LY6K: variants seen among roughly 807,000 people sequenced by gnomAD.
LY6K encodes lymphocyte antigen 6 family member K, also known as lymphocyte antigen 6K.
In LY6K, 9 loss-of-function variants were observed where a neutral mutation model predicts 10.4. The observed-to-expected ratio is 0.87, with a 90% CI of 0.52 to 1.52. The LOEUF is 1.52. Among genes scored for constraint, LY6K ranks in the 40% most tolerant of loss-of-function variants. The pLI, the probability that LY6K is intolerant of heterozygous loss-of-function variation, is 0.00. For missense variants in LY6K, 217 were observed against 211.7 expected, an observed-to-expected ratio of 1.02 and a Z score of -0.15; for synonymous variants, 98 against 83.7, an observed-to-expected ratio of 1.17 and a Z score of -0.94.
rs1815125946 is a variant in LY6K, at chr8:142,703,457, T to A, written c.*86T>A. Reference sequence around the variant, plus strand: ...CCTGTTGCATTAAACTTGTTTTCTGTTGATTACCTCTTGGTTTGACTTCCC... The same window carrying A: ...CCTGTTGCATTAAACTTGTTTTCTGATGATTACCTCTTGGTTTGACTTCCC... On this transcript the variant is annotated 3_prime_UTR_variant, in exon 3 of 3. Transcript: ENST00000292430. The A allele has an allele frequency of 1.3e-6, 2 of 1,488,176 alleles. No individual in the cohort carries two copies. Among genetic ancestry groups the A allele is most frequent in the Non-Finnish European group, 1.8e-6 (2 of 1,117,124 alleles). The allele number at this position is 1,488,176 out of a possible 1,614,324, so 92.2% of individuals were successfully genotyped here.
rs1407551284 is a variant in LY6K at position 142,702,935 on chromosome 8, T to A, written c.218-156T>A. The A allele has an allele frequency of 8.4e-6, 13 of 1,550,572 alleles. No homozygotes were observed. The East Asian group carries it at 3.2e-4, about 38-fold the overall frequency. On this transcript the variant is annotated intron_variant, in intron 2 of 2. Transcript: ENST00000292430. ...TGAAGCAGCATTCAACACACAGGCC[T>A]GGCCCTCGTCCTCCCGACTCCCCCT...
In LY6K at chr8:142,700,453, C is replaced by A; in HGVS notation, c.-75C>A. ...CCGGCCAGACCCGGGGAGAGGCGCGCGGAGGCTGCGAAGGTTCCAGAAGGG... is the reference window on the plus strand; with the variant it reads ...CCGGCCAGACCCGGGGAGAGGCGCGAGGAGGCTGCGAAGGTTCCAGAAGGG... On this transcript the variant is annotated 5_prime_UTR_variant, in exon 1 of 3. Transcript: ENST00000292430. 3 of 1,490,132 alleles carry A rather than the reference C, an allele frequency of 2.0e-6. No homozygotes were observed. Among genetic ancestry groups the A allele is most frequent in the Non-Finnish European group, 2.7e-6 (3 of 1,121,034 alleles). 92.3% of individuals were successfully genotyped at this position (1,490,132 alleles called of 1,614,324 possible).
At chr8:142,702,545 T>A in intron 2 of LY6K, 1 of 1,535,678 alleles carries the variant, frequency 6.5e-7, no homozygotes, top group South Asian at 1.2e-5. Context: ...CAGCAGTCAC[T>A]CTCCAGCCCT....
In LY6K at chr8:142,704,208, C is replaced by T. The variant is rs1554640639; in HGVS notation, c.*837C>T. 1 of 152,234 alleles carries T rather than the reference C, an allele frequency of 6.6e-6. No homozygotes were observed. Among genetic ancestry groups the T allele is most frequent in the Non-Finnish European group, 1.5e-5 (1 of 68,040 alleles). 9.4% of individuals were successfully genotyped at this position (152,234 alleles called of 1,614,324 possible). ...ATAAAAATTAAAAAATGTTTTATTT[C>T]TCAGCATGAGCTCCATCAAGGTCGA... On this transcript the variant is annotated 3_prime_UTR_variant, in exon 3 of 3. Transcript: ENST00000292430.
In LY6K at chr8:142,700,511, G is replaced by A. The variant is rs1426367182; in HGVS notation, c.-17G>A. On this transcript the variant is annotated 5_prime_UTR_variant, in exon 1 of 3. It introduces an in-frame stop codon into an upstream open reading frame of the 5' UTR. Transcript: ENST00000292430. ...GGGGCGCCGCGCGCTGACCCTCCCT[G>A]GGCACCGCTGGGGACGATGGCGCTG... is the stretch of plus-strand genomic sequence containing the variant. The A allele has an allele frequency of 1.3e-6, 2 of 1,566,544 alleles. No homozygotes were observed. The highest frequency in any genetic ancestry group is 1.7e-6 in the Non-Finnish European group (2 of 1,159,090).
In LY6K at chr8:142,703,173, G is replaced by A; in HGVS notation, c.300G>A (p.Lys100=). The change falls in exon 3 of 3, where the codon AAG becomes AAA. Residue 100 remains lysine (K), a synonymous_variant. Coordinates refer to ENST00000292430, the MANE Select transcript of LY6K (RefSeq NM_017527.4). ...TGGAGAGACCCAAGCCAGAGGAGAA[G>A]CGGTTTCTCCTGGAAGAGCCCATGC... ...AAMERPKPEE[K]RFLLEEPMPF... is the part of the protein sequence containing the mutation. The A allele has an allele frequency of 5.0e-6, 8 of 1,614,232 alleles. No individual in the cohort carries two copies. The highest frequency in any genetic ancestry group is 6.8e-6 in the Non-Finnish European group (8 of 1,180,020).
At position 142,700,495 on chromosome 8, in the gene LY6K, C is replaced by A. The variant is rs966719288; in HGVS notation, c.-33C>A. The A allele has an allele frequency of 7.7e-6, 12 of 1,549,642 alleles. No individual in the cohort carries two copies. Among genetic ancestry groups the A allele is most frequent in the Non-Finnish European group, 1.0e-5 (12 of 1,150,686 alleles). ...CCAGAAGGGCGGGGAGGGGGCGCCG[C>A]GCGCTGACCCTCCCTGGGCACCGCT... On this transcript the variant is annotated 5_prime_UTR_variant, in exon 1 of 3. Transcript: ENST00000292430.
At chr8:142,701,168 G>A (rs1043552141) in intron 1 of LY6K, among the ~76,000 whole-genome samples, 6 of 152,358 alleles carry the variant, frequency 3.9e-5, no homozygotes, top group Admixed American at 2.6e-4. Flanking sequence ...AGGGTGCTGC[G>A]GCCGAGTGGG....
rs1469299195 is a variant in LY6K, at chr8:142,703,410, G to A, written c.*39G>A. ...CACAGACTGAGCCTTCCGGAGCATGGACTCGCTCCAGACCGTTGTCACCTG... is the reference window on the plus strand; with the variant it reads ...CACAGACTGAGCCTTCCGGAGCATGAACTCGCTCCAGACCGTTGTCACCTG... On this transcript the variant is annotated 3_prime_UTR_variant, in exon 3 of 3. Coordinates refer to ENST00000292430, the MANE Select transcript of LY6K (RefSeq NM_017527.4). 1 of 1,582,172 alleles carries A rather than the reference G, an allele frequency of 6.3e-7. No homozygotes were observed. The highest frequency in any genetic ancestry group is 1.3e-5 in the African/African-American group (1 of 74,206).
In LY6K at chr8:142,700,564, C is replaced by T. The variant is rs1554639946; in HGVS notation, c.37C>T (p.Pro13Ser). The change falls in exon 1 of 3, where the codon CCG becomes TCG. Residue 13 changes from proline to serine, a missense_variant. Physicochemically the swap from Pro to Ser is moderately conservative, Grantham distance 74. Coordinates refer to ENST00000292430, the MANE Select transcript of LY6K (RefSeq NM_017527.4). ...CGCCTTGCTGCTGGTCGTGGCCCTACCGCGGGTGTGGACAGACGCCAACCT... is the reference window on the plus strand; with the variant it reads ...CGCCTTGCTGCTGGTCGTGGCCCTATCGCGGGTGTGGACAGACGCCAACCT... ...LLALLLVVAL[P>S]RVWTDANLTA... 6.3e-7 allele frequency: 1 copy of T among 1,588,692 alleles called. No individual in the cohort carries two copies. Among genetic ancestry groups the T allele is most frequent in the African/African-American group, 1.4e-5 (1 of 72,548 alleles).
Position 142,700,575 on chromosome 8 carries a change from GA to G in LY6K, c.49del (p.Thr17GlnfsTer5), listed in dbSNP as rs782807015. 1 of 1,585,658 alleles carries G rather than the reference GA, an allele frequency of 6.3e-7. No individual in the cohort carries two copies. ...TGGTCGTGGCCCTACCGCGGGTGTG[GA>G]CAGACGCCAACCTGACTGCGAGACA... Reference protein sequence around the residue: ...LLVVALPRVWTDANLTARQRD... With the variant: ...LLVVALPRVWXDANLTARQRD... On this transcript the variant is annotated frameshift_variant, in exon 1 of 3. Coordinates refer to ENST00000292430, the MANE Select transcript of LY6K (RefSeq NM_017527.4). LOFTEE classifies it high-confidence loss of function.
At chr8:142,702,768 A>G in intron 2 of LY6K, 1 of 1,484,618 alleles carries the variant, frequency 6.7e-7, no homozygotes, top group Non-Finnish European at 9.0e-7. Context: ...GCTGGGAGTC[A>G]TGTGTCTGTC....
chr8:142,702,602 C>T, intron 2 of LY6K: 1 of 1,535,374 alleles, frequency 6.5e-7, no homozygotes, highest in Non-Finnish European at 8.7e-7. Flanking sequence ...GCTTCAGACT[C>T]AGTGTGGCCC....
chr8:142,701,325 G>A (rs1407471899), intron 1 of LY6K, among the ~76,000 whole-genome samples: 3 of 152,236 alleles, frequency 2.0e-5, no homozygotes, highest in African/African-American at 4.8e-5. Context: ...CAGTTCCACA[G>A]GCTGTCCAGG....
At position 142,703,349 on chromosome 8, in the gene LY6K, C is replaced by G. The variant is rs782555332; in HGVS notation, c.476C>G (p.Ala159Gly). 1.2e-6 allele frequency: 2 copies of G among 1,610,910 alleles called. No individual in the cohort carries two copies. Among genetic ancestry groups the G allele is most frequent in the Non-Finnish European group, 1.7e-6 (2 of 1,179,080 alleles). Reference protein sequence around the residue: ...LAILLLLASIAAGLSLS With the variant: ...LAILLLLASIGAGLSLS ...ATCCTCCTGCTGCTGGCCTCCATTG[C>G]AGCCGGCCTCAGCCTGTCTTGAGCC... is the stretch of plus-strand genomic sequence containing the variant. Residue 159 changes from alanine to glycine, a missense_variant, in exon 3 of 3, where the codon GCA (alanine) becomes GGA (glycine). Ala to Gly is a moderately conservative substitution (Grantham distance 60). Coordinates refer to ENST00000292430, the MANE Select transcript of LY6K (RefSeq NM_017527.4).
intron 2 of LY6K, chr8:142,702,815 G>A (rs782423923): frequency 4.1e-5 from 61 of 1,499,444 alleles, no homozygotes; most frequent in Non-Finnish European, 5.2e-5. Flanking sequence ...CTGTGTTTGA[G>A]AAGTTGAGAC....
chr8:142,700,625 G>C lies in LY6K; in HGVS notation c.98G>C (p.Arg33Pro). Reference sequence around the variant, plus strand: ...CAACGAGATCCAGAGGACTCCCAGCGAACGGGTGAGCCTGGCTCGCCCTCC... The same window carrying C: ...CAACGAGATCCAGAGGACTCCCAGCCAACGGGTGAGCCTGGCTCGCCCTCC... Reference protein sequence around the residue: ...ARQRDPEDSQRTDEGDNRVWC... With the variant: ...ARQRDPEDSQPTDEGDNRVWC... Residue 33 changes from arginine (R) to proline (P), a missense_variant, in exon 1 of 3, where the codon CGA becomes CCA. Arg to Pro is a moderately radical substitution (Grantham distance 103). Coordinates refer to ENST00000292430, the MANE Select transcript of LY6K (RefSeq NM_017527.4). 6.4e-7 allele frequency: 1 copy of C among 1,553,906 alleles called. No homozygotes were observed. Among genetic ancestry groups the C allele is most frequent in the Non-Finnish European group, 8.7e-7 (1 of 1,151,746 alleles).
At chr8:142,702,579 G>A (rs782209447) in intron 2 of LY6K, 2 of 1,535,704 alleles carry the variant, frequency 1.3e-6, no homozygotes, top group South Asian at 1.2e-5. Flanking sequence ...AGTTGGTGGG[G>A]TGCTGAGGTG....
chr8:142,700,841 C>T (rs955631075), intron 1 of LY6K, among the ~76,000 whole-genome samples: 1 of 152,082 alleles, frequency 6.6e-6, no homozygotes, highest in Non-Finnish European at 1.5e-5. Context: ...CCAGCCCTTG[C>T]CCCGCTCCGG....
Sources: allele counts gnomAD v4.1 joint callset (sites outside exome capture counted in the v4.1 genomes callset), GRCh38; gene constraint gnomAD v4.1.1; transcripts MANE v1.5; gene names NCBI Gene and HGNC (gene_info 2026-07-23, HGNC 2026-07-21).